The following SP4 variants were observed in gnomAD, a reference collection of about 807,000 sequenced individuals.
The protein encoded by SP4 is transcription factor Sp4.
A neutral mutation model predicts 72.8 loss-of-function variants in SP4; 19 were observed. The observed-to-expected ratio is 0.26, with a 90% CI of 0.18 to 0.38. SP4 has a LOEUF of 0.38. Among genes scored for constraint, SP4 ranks in the 10% least tolerant of loss-of-function variants. The pLI, the probability that SP4 is intolerant of heterozygous loss-of-function variation, is 1.00. For synonymous variants in SP4, 395 were observed against 333.1 expected (o/e 1.19, Z -2.02); for missense variants, 1,008 against 926.3 (o/e 1.09, Z -1.14).
chr7:21,499,195 G>A lies in SP4; in HGVS notation c.2108-11827G>A, dbSNP rs186871492. On this transcript the variant is annotated intron_variant, in intron 5 of 5. Transcript: ENST00000222584. Reference sequence around the variant, plus strand: ...GTCTTCATCTTTGTATTCAAATTACGTAGGAATTTGAGGAGGAAGAGAAAG... The same window carrying A: ...GTCTTCATCTTTGTATTCAAATTACATAGGAATTTGAGGAGGAAGAGAAAG... Among the ~76,000 whole-genome samples, 24 of 151,988 alleles carry A rather than the reference G, an allele frequency of 1.6e-4. No homozygotes were observed. In the East Asian group the frequency reaches 3.1e-3, roughly 20 times the overall value.
At chr7:21,508,617 G>A (rs762072337) in intron 5 of SP4, among the ~76,000 whole-genome samples, 1 of 151,998 alleles carries the variant, frequency 6.6e-6, no homozygotes, top group Non-Finnish European at 1.5e-5. Flanking sequence ...GTGAGCCACC[G>A]CGCCCAGCCT....
intron 3 of SP4, among the ~76,000 whole-genome samples, chr7:21,464,562 G>A (rs1049066730): frequency 6.8e-6 from 1 of 147,324 alleles, no homozygotes; most frequent in Non-Finnish European, 1.5e-5. Context: ...CACAATCTTT[G>A]TTTAAAAATC....
chr7:21,480,712 C>CAGCCTCT (rs1784660839), intron 4 of SP4, among the ~76,000 whole-genome samples: 1 of 152,216 alleles, frequency 6.6e-6, no homozygotes, highest in South Asian at 2.1e-4. Flanking sequence ...AGGTTCTTCA[C>CAGCCTCT]AGCCTCTTTG....
chr7:21,446,296 G>A (rs1180919225), intron 3 of SP4, among the ~76,000 whole-genome samples: 3 of 152,128 alleles, frequency 2.0e-5, no homozygotes, highest in Non-Finnish European at 4.4e-5. Flanking sequence ...TGAAATCAAA[G>A]TACTTAGACA....
chr7:21,440,717 T>C (rs188101396), intron 3 of SP4, among the ~76,000 whole-genome samples: 25 of 152,048 alleles, frequency 1.6e-4, no homozygotes, highest in African/African-American at 5.5e-4. Context: ...GGCATAGTGG[T>C]GCATGCCTGT....
At chr7:21,464,830 TA>T (rs1784118107) in intron 3 of SP4, among the ~76,000 whole-genome samples, 1 of 152,204 alleles carries the variant, frequency 6.6e-6, no homozygotes, top group African/African-American at 2.4e-5. Context: ...AGCAATGCAT[TA>T]CTACTATGGT....
chr7:21,473,626 T>G (rs528547914), intron 3 of SP4, among the ~76,000 whole-genome samples: 8 of 152,194 alleles, frequency 5.3e-5, no homozygotes, highest in Non-Finnish European at 1.2e-4. Flanking sequence ...GGGGAGCTTT[T>G]AGATGGGATG....
In SP4 at chr7:21,430,858, C is replaced by G; in HGVS notation, c.1678+15C>G. The G allele has an allele frequency of 6.5e-7, 1 of 1,542,144 alleles. No individual in the cohort carries two copies. The highest frequency in any genetic ancestry group is 1.8e-5 in the Admixed American group (1 of 55,536). On this transcript the variant is annotated intron_variant, in intron 3 of 5. Transcript: ENST00000222584. ...TAGTGTTGCAGGTAAGTTCTGACATCTTTTTAAGTACCTTTTAAATAGTTT... is the reference window on the plus strand; with the variant it reads ...TAGTGTTGCAGGTAAGTTCTGACATGTTTTTAAGTACCTTTTAAATAGTTT...
intron 3 of SP4, chr7:21,471,091 A>C (rs760274610): frequency 1.9e-6 from 1 of 534,828 alleles, no homozygotes. Context: ...AGAACATTAG[A>C]GAAGACAGGA....
chr7:21,476,437 A>G (rs567148054), intron 3 of SP4, among the ~76,000 whole-genome samples: 50 of 152,312 alleles, frequency 3.3e-4, no homozygotes, highest in Non-Finnish European at 5.7e-4. Context: ...AGTCTAAGCT[A>G]TATAACATGA....
intron 3 of SP4, among the ~76,000 whole-genome samples, chr7:21,440,595 A>T (rs556201349): frequency 6.6e-6 from 1 of 152,132 alleles, no homozygotes; most frequent in African/African-American, 2.4e-5. Context: ...CACACCTGTA[A>T]TCCCAGCACT....
At chr7:21,432,475 G>T (rs1338624021) in intron 3 of SP4, among the ~76,000 whole-genome samples, 1 of 152,174 alleles carries the variant, frequency 6.6e-6, no homozygotes, top group African/African-American at 2.4e-5. Flanking sequence ...TATAATTTAG[G>T]TTAGAAGTAA....
chr7:21,428,186 T>TCCCCCCCCCCCCC lies in SP4; in HGVS notation c.-65_-64insCCCCCCCCCCCCC. ...GGCGGGACCGGCCTCTCCTCCCGCC[T>TCCCCCCCCCCCCC]CGCCCCCACCCCCACCCACCTCTAT... On this transcript the variant is annotated 5_prime_UTR_variant, in exon 1 of 6. Coordinates refer to ENST00000222584, the MANE Select transcript of SP4 (RefSeq NM_003112.5). 1.7e-5 allele frequency: 5 copies of TCCCCCCCCCCCCC among 297,750 alleles called. No individual in the cohort carries two copies. Among genetic ancestry groups the TCCCCCCCCCCCCC allele is most frequent in the Admixed American group, 5.2e-5 (1 of 19,288 alleles). 18.4% of individuals were successfully genotyped at this position (297,750 alleles called of 1,614,324 possible).
chr7:21,487,396 T>G (rs996164471), intron 5 of SP4, among the ~76,000 whole-genome samples: 1 of 148,478 alleles, frequency 6.7e-6, no homozygotes, highest in African/African-American at 2.5e-5. Flanking sequence ...TAGACATATT[T>G]TGGAATCTCT....
In SP4 at chr7:21,496,645, A is replaced by T. The variant is rs1781716503; in HGVS notation, c.2108-14377A>T. ...TCTGCATTTAACCTACTCGGAGTTC[A>T]TTGAGCTTCTTGGATATGCAGATTA... On this transcript the variant is annotated intron_variant, in intron 5 of 5. Transcript: ENST00000222584. Among the ~76,000 whole-genome samples the T allele has an allele frequency of 2.0e-5, 3 of 152,112 alleles. No homozygotes were observed. The South Asian group carries it at 6.2e-4, about 32-fold the overall frequency.
intron 3 of SP4, among the ~76,000 whole-genome samples, chr7:21,467,534 G>A (rs1450810298): frequency 1.3e-5 from 2 of 151,914 alleles, no homozygotes; most frequent in Non-Finnish European, 2.9e-5. Flanking sequence ...ATCCTCCCCA[G>A]CCCTAAGCAT....
At chr7:21,434,885 A>G (rs1046374114) in intron 3 of SP4, among the ~76,000 whole-genome samples, 1 of 152,058 alleles carries the variant, frequency 6.6e-6, no homozygotes, top group East Asian at 1.9e-4. Context: ...AAGGAAAAGC[A>G]GAAACCTTAC....
chr7:21,483,882 C>A (rs1414843372), intron 5 of SP4, among the ~76,000 whole-genome samples: 1 of 151,206 alleles, frequency 6.6e-6, no homozygotes, highest in Non-Finnish European at 1.5e-5. Flanking sequence ...AAATTAATTT[C>A]AATAAATTAT....
At chr7:21,428,352 C>T in intron 1 of SP4, 94 bp downstream of exon 1, 2 of 725,412 alleles carry the variant, frequency 2.8e-6, no homozygotes, top group Non-Finnish European at 5.1e-6. Context: ...CCCCCGGGGC[C>T]GCTGAGATGC....
Sources: gnomAD v4.1 joint callset for allele counts (sites outside exome capture counted in the v4.1 genomes callset) on GRCh38, gnomAD v4.1.1 for gene constraint, MANE v1.5 for transcripts, NCBI Gene and HGNC (gene_info 2026-07-23, HGNC 2026-07-21) for gene names.